GLB1: variants seen among roughly 807,000 people sequenced by gnomAD.
The protein encoded by GLB1 is galactosidase beta 1.
GLB1 carries 56 observed loss-of-function variants against 74.0 expected under a neutral mutation model. The ratio of observed to expected loss-of-function variants is 0.76; its 90% CI spans 0.61 to 0.94. The LOEUF (loss-of-function observed/expected upper bound fraction) is 0.94. GLB1 is among the 40% of genes least tolerant of loss of function. GLB1 has a pLI of 0.00. For missense variants in GLB1, 787 were observed against 845.5 expected, an observed-to-expected ratio of 0.93 and a Z score of 0.86; for synonymous variants, 323 against 323.6, an observed-to-expected ratio of 1.00 and a Z score of 0.02.
chr3:32,986,523 TCCCCG>T, the GLB1 span, among the ~76,000 whole-genome samples: 1 of 151,982 alleles, frequency 6.6e-6, no homozygotes, highest in South Asian at 2.1e-4. Context: ...ACACTGCCCA[TCCCCG>T]TCACCTATGT....
At chr3:32,981,955 T>A in the GLB1 span, among the ~76,000 whole-genome samples, 1 of 152,174 alleles carries the variant, frequency 6.6e-6, no homozygotes, top group Non-Finnish European at 1.5e-5. Flanking sequence ...AGTCTGACAA[T>A]CTTGGTCTTT....
At chr3:33,056,538 C>T (rs764435085) in intron 6 of GLB1, among the ~76,000 whole-genome samples, 3 of 152,058 alleles carry the variant, frequency 2.0e-5, no homozygotes, top group Non-Finnish European at 4.4e-5. Context: ...CTCATCCTCC[C>T]TAGTAGCTAG....
intron 1 of GLB1, chr3:33,091,765 C>T (rs926877102): frequency 1.8e-5 from 18 of 985,308 alleles, no homozygotes; most frequent in Non-Finnish European, 6.0e-6. Flanking sequence ...TGTCTTCACT[C>T]CCCATTGGAG....
intron 13 of GLB1, among the ~76,000 whole-genome samples, chr3:33,017,654 AAC>A (rs1427127834): frequency 2.0e-5 from 3 of 152,222 alleles, no homozygotes; most frequent in Non-Finnish European, 2.9e-5. Flanking sequence ...TTTGTTATGA[AAC>A]ACGGTTCTTT....
At chr3:33,071,686 TC>T (rs1299404243) in intron 2 of GLB1, among the ~76,000 whole-genome samples, 1 of 148,570 alleles carries the variant, frequency 6.7e-6, no homozygotes, top group Non-Finnish European at 1.5e-5. Flanking sequence ...TCTGGCCTTC[TC>T]CTGCTCTTCT....
At chr3:33,059,242 C>CAT (rs1319281240) in intron 5 of GLB1, among the ~76,000 whole-genome samples, 1 of 39,668 alleles carries the variant, frequency 2.5e-5, no homozygotes, top group African/African-American at 7.4e-5. Context: ...TTATATAAAA[C>CAT]ATACACACAC....
At chr3:33,077,441 G>C in intron 1 of GLB1, 3 of 864,592 alleles carry the variant, frequency 3.5e-6, no homozygotes, top group African/African-American at 1.7e-5. Context: ...GGAAATGGAG[G>C]ATGAAGATAC....
chr3:33,046,459 C>T (rs1698743828), intron 9 of GLB1, among the ~76,000 whole-genome samples: 1 of 152,042 alleles, frequency 6.6e-6, no homozygotes, highest in Non-Finnish European at 1.5e-5. Context: ...GGACTCTTTC[C>T]ATCCACTCTC....
chr3:33,050,564 G>C (rs774094843), intron 9 of GLB1, among the ~76,000 whole-genome samples: 2 of 152,192 alleles, frequency 1.3e-5, no homozygotes, highest in Non-Finnish European at 2.9e-5. Flanking sequence ...TCACTTATAC[G>C]AAATGTTCAG....
intron 2 of GLB1, among the ~76,000 whole-genome samples, chr3:33,071,562 A>C (rs1227902555): frequency 6.6e-6 from 1 of 152,224 alleles, no homozygotes; most frequent in African/African-American, 2.4e-5. Flanking sequence ...CCTAAGCACA[A>C]GGCTTATTCT....
chr3:33,029,928 C>T (rs925526164), intron 10 of GLB1: 1 of 142,388 alleles, frequency 7.0e-6, no homozygotes, highest in Non-Finnish European at 1.5e-5. Context: ...AACAATCTTG[C>T]ACATGTACCC....
chr3:33,053,692 T>A, intron 6 of GLB1, 143 bp from the exon 7 acceptor site: 1 of 1,111,480 alleles, frequency 9.0e-7, no homozygotes, highest in Non-Finnish European at 1.3e-6. Context: ...TGTTGGAACT[T>A]AACACCCAAG....
At chr3:32,963,382 C>T in the GLB1 span, among the ~76,000 whole-genome samples, 4 of 152,054 alleles carry the variant, frequency 2.6e-5, no homozygotes, top group Non-Finnish European at 5.9e-5. Context: ...GCAGGCAAAG[C>T]CTTTCTAAAA....
chr3:33,016,694 T>G lies in GLB1; in HGVS notation c.1479+15A>C. 1 of 1,613,466 alleles carries G rather than the reference T, an allele frequency of 6.2e-7. No homozygotes were observed. Among genetic ancestry groups the G allele is most frequent in the Non-Finnish European group, 8.5e-7 (1 of 1,179,548 alleles). ...ACCCCTTAAACCTTAGTCTTGACAG[T>G]GTGGTTTGTCCTACCTTAAAATCGT... On this transcript the variant is annotated intron_variant, in intron 14 of 15. Coordinates refer to ENST00000307363, the MANE Select transcript of GLB1 (RefSeq NM_000404.4).
the GLB1 span, among the ~76,000 whole-genome samples, chr3:32,984,057 G>A: frequency 1.3e-5 from 2 of 152,108 alleles, no homozygotes; most frequent in South Asian, 2.1e-4. Flanking sequence ...ATAATTTTGA[G>A]TTTGCTTCTG....
At chr3:33,058,944 C>G (rs1178127902) in intron 5 of GLB1, among the ~76,000 whole-genome samples, 2 of 152,110 alleles carry the variant, frequency 1.3e-5, no homozygotes, top group East Asian at 3.9e-4. Flanking sequence ...GGTTCTCAAC[C>G]AGGAGCTCTT....
intron 15 of GLB1, among the ~76,000 whole-genome samples, chr3:33,007,837 T>C (rs964882461): frequency 9.2e-5 from 14 of 152,206 alleles, no homozygotes; most frequent in African/African-American, 3.4e-4. Context: ...GCCTAGATAA[T>C]GAGTATGAGT....
At chr3:33,076,946 G>A (rs977219260) in intron 1 of GLB1, 34 of 708,052 alleles carry the variant, frequency 4.8e-5, no homozygotes, top group Middle Eastern at 5.8e-4. Context: ...AGAAGGGCCC[G>A]GACACAATGG....
chr3:32,983,586 A>G, the GLB1 span, among the ~76,000 whole-genome samples: 1 of 151,912 alleles, frequency 6.6e-6, no homozygotes, highest in Admixed American at 6.6e-5. Flanking sequence ...GCCTATGTGG[A>G]TTTGTCTCTA....
Sources: gnomAD v4.1 joint callset for allele counts (sites outside exome capture counted in the v4.1 genomes callset) on GRCh38, gnomAD v4.1.1 for gene constraint, MANE v1.5 for transcripts, NCBI Gene and HGNC (gene_info 2026-07-23, HGNC 2026-07-21) for gene names.